FRK: variants seen among roughly 807,000 people sequenced by gnomAD.
The protein encoded by FRK is fyn related Src family tyrosine kinase.
FRK carries 51 observed loss-of-function variants against 56.4 expected under a neutral mutation model. The observed-to-expected ratio is 0.90, with a 90% CI of 0.72 to 1.14. The LOEUF is 1.14. Among genes scored for constraint, FRK ranks in the 50% most tolerant of loss-of-function variants. The pLI is 0.00. For synonymous variants in FRK, 245 were observed against 217.9 expected (o/e 1.12, Z -1.10); for missense variants, 570 against 601.4 (o/e 0.95, Z 0.55).
intron 1 of FRK, among the ~76,000 whole-genome samples, chr6:116,039,943 TAAA>T (rs1170576390): frequency 4.1e-4 from 43 of 105,760 alleles, no homozygotes; most frequent in Admixed American, 7.8e-4. Context: ...CACCTGGCAC[TAAA>T]AAAAAAAAAA....
chr6:116,010,626 T>TA (rs906840291), intron 1 of FRK, among the ~76,000 whole-genome samples: 2 of 152,312 alleles, frequency 1.3e-5, no homozygotes, highest in African/African-American at 2.4e-5. Context: ...AGGCAGAGTA[T>TA]AATAACAGTT....
At chr6:116,035,051 CTT>C (rs1257737293) in intron 1 of FRK, among the ~76,000 whole-genome samples, 1 of 151,768 alleles carries the variant, frequency 6.6e-6, no homozygotes, top group African/African-American at 2.4e-5. Flanking sequence ...TATGTTTGAA[CTT>C]TTTTATAATA....
At chr6:115,977,476 G>T (rs1479379732) in intron 2 of FRK, among the ~76,000 whole-genome samples, 1 of 152,158 alleles carries the variant, frequency 6.6e-6, no homozygotes, top group Admixed American at 6.6e-5. Context: ...ACATTGGTCA[G>T]TAAGTTTTAC....
chr6:115,969,116 G>A (rs1773704996), intron 2 of FRK, among the ~76,000 whole-genome samples: 1 of 152,214 alleles, frequency 6.6e-6, no homozygotes, highest in South Asian at 2.1e-4. Context: ...ATCATGAAAG[G>A]TTTTTAGAAA....
At chr6:116,004,744 A>C (rs569641193) in intron 1 of FRK, among the ~76,000 whole-genome samples, 1 of 152,300 alleles carries the variant, frequency 6.6e-6, no homozygotes, top group East Asian at 1.9e-4. Flanking sequence ...CATCATCAAC[A>C]AGGAATTATG....
At chr6:116,000,245 T>TGACAGAA (rs1562278830) in intron 2 of FRK, among the ~76,000 whole-genome samples, 26 of 105,328 alleles carry the variant, frequency 2.5e-4, no homozygotes, top group Admixed American at 5.5e-4. Flanking sequence ...TTTTTTTTTT[T>TGACAGAA]TTTTTTTTTT....
chr6:116,100,174 A>ATT, the FRK span, among the ~76,000 whole-genome samples: 4 of 152,250 alleles, frequency 2.6e-5, no homozygotes, highest in Non-Finnish European at 5.9e-5. Flanking sequence ...ATTCATTACA[A>ATT]TAACAAAATA....
intron 5 of FRK, among the ~76,000 whole-genome samples, chr6:115,945,496 T>C (rs1772402749): frequency 6.6e-6 from 1 of 152,118 alleles, no homozygotes; most frequent in African/African-American, 2.4e-5. Flanking sequence ...ATGATTTCAA[T>C]ACCACATGTC....
Position 116,051,868 on chromosome 6 carries a change from G to A in FRK, c.344+8100C>T, listed in dbSNP as rs148860486. 3.3e-5 allele frequency among the ~76,000 whole-genome samples: 5 copies of A among 152,230 alleles called. No individual in the cohort carries two copies. The East Asian group carries it at 9.6e-4, about 29-fold the overall frequency. On this transcript the variant is annotated intron_variant, in intron 1 of 7. Coordinates refer to ENST00000606080, the MANE Select transcript of FRK (RefSeq NM_002031.3). ...CAGTAAAAATCTATTAATATTCAGT[G>A]AAGAGTCAGACTTTCAGCTTATGTA...
At chr6:115,995,704 A>G (rs1774813225) in intron 2 of FRK, among the ~76,000 whole-genome samples, 1 of 152,184 alleles carries the variant, frequency 6.6e-6, no homozygotes, top group Non-Finnish European at 1.5e-5. Context: ...AGTGCCCTAG[A>G]GGAAAAGGTT....
chr6:115,967,409 G>T, intron 4 of FRK, 142 bp downstream of exon 4: 1 of 652,058 alleles, frequency 1.5e-6, no homozygotes, highest in Non-Finnish European at 2.6e-6. Context: ...TCCATAGGTT[G>T]GGGTCACCTG....
At chr6:116,036,558 A>C (rs949388735) in intron 1 of FRK, among the ~76,000 whole-genome samples, 1 of 152,150 alleles carries the variant, frequency 6.6e-6, no homozygotes, top group Non-Finnish European at 1.5e-5. Context: ...GTCAGTGTAC[A>C]ATGATGCAAT....
intron 2 of FRK, among the ~76,000 whole-genome samples, chr6:115,981,122 C>T (rs1243160527): frequency 1.3e-5 from 2 of 152,098 alleles, no homozygotes; most frequent in Non-Finnish European, 2.9e-5. Flanking sequence ...AACTGCCCAA[C>T]AATAAAATAG....
chr6:115,935,313 C>G lies in FRK; in HGVS notation c.*7101G>C, dbSNP rs1324431035. The G allele has an allele frequency of 6.6e-6, 1 of 152,380 alleles. No homozygotes were observed. Among genetic ancestry groups the G allele is most frequent in the African/African-American group, 2.4e-5 (1 of 41,462 alleles). 9.4% of individuals were successfully genotyped at this position (152,380 alleles called of 1,614,324 possible). ...GTACCTGAGGAACGGTGCACTCCAG[C>G]CCAGATACTGCACTTTTCCCATGGT... On this transcript the variant is annotated 3_prime_UTR_variant, in exon 8 of 8. Coordinates refer to ENST00000606080, the MANE Select transcript of FRK (RefSeq NM_002031.3).
chr6:115,991,479 G>A (rs1414424149), intron 2 of FRK, among the ~76,000 whole-genome samples: 1 of 151,650 alleles, frequency 6.6e-6, no homozygotes. Context: ...TTATTATGAA[G>A]GGATGTTGGA....
At chr6:116,084,975 A>G in the FRK span, among the ~76,000 whole-genome samples, 1 of 152,152 alleles carries the variant, frequency 6.6e-6, no homozygotes, top group Admixed American at 6.6e-5. Context: ...GCCTCTAAGG[A>G]TTGTTGGGGT....
rs1322797020 is a variant in FRK at position 115,990,016 on chromosome 6, A to AT, written c.466+13860dup. On this transcript the variant is annotated intron_variant, in intron 2 of 7. Transcript: ENST00000606080. The stretch of plus-strand genomic sequence containing the variant: ...AGGATGGTATCTCATTATGGTTTTA[A>AT]TTTTCACTTCTCTGAGGATTAGCAA... Among the ~76,000 whole-genome samples, 3 of 151,666 alleles carry AT rather than the reference A, an allele frequency of 2.0e-5. No individual in the cohort carries two copies. In the East Asian group the frequency reaches 5.8e-4, roughly 29 times the overall value.
At chr6:116,016,902 T>C (rs1890426) in intron 1 of FRK, among the ~76,000 whole-genome samples, 58,096 of 151,938 alleles carry the variant, frequency 0.38, 12,306 homozygotes, top group East Asian at 0.78. Context: ...ACTGAACACA[T>C]CCACAGAGCA....
Position 115,934,006 on chromosome 6 carries a change from C to T in FRK, c.*8408G>A, listed in dbSNP as rs1449406191. On this transcript the variant is annotated 3_prime_UTR_variant, in exon 8 of 8. Coordinates refer to ENST00000606080, the MANE Select transcript of FRK (RefSeq NM_002031.3). The stretch of plus-strand genomic sequence containing the variant: ...TGCACACATCTGCCTGGAATACACA[C>T]ACACACACACCATATAAACACACAA... 6.6e-6 allele frequency: 1 copy of T among 152,092 alleles called. No homozygotes were observed. The highest frequency in any genetic ancestry group is 1.5e-5 in the Non-Finnish European group (1 of 68,024). 9.4% of individuals were successfully genotyped at this position (152,092 alleles called of 1,614,324 possible). A position where few individuals can be genotyped will look rare whatever the true frequency, so the allele number is the denominator to read the frequency against.
Sources: gnomAD v4.1 joint callset for allele counts (sites outside exome capture counted in the v4.1 genomes callset) on GRCh38, gnomAD v4.1.1 for gene constraint, MANE v1.5 for transcripts, NCBI Gene and HGNC (gene_info 2026-07-23, HGNC 2026-07-21) for gene names.